The following CD5L variants were observed in gnomAD, a reference collection of about 807,000 sequenced individuals.
CD5L encodes CD5 antigen-like.
CD5L carries 39 observed loss-of-function variants against 40.8 expected under a neutral mutation model. That is an observed-to-expected ratio of 0.96 (90% CI 0.74 to 1.25). CD5L has a LOEUF of 1.25. Ranked by LOEUF, CD5L falls within the 50% of genes most tolerant of loss-of-function variation. CD5L has a pLI of 0.00. For synonymous variants in CD5L, 192 were observed against 169.6 expected, an observed-to-expected ratio of 1.13 and a Z score of -1.03; for missense variants, 433 against 435.9, an observed-to-expected ratio of 0.99 and a Z score of 0.06.
chr1:157,830,809 G>T, downstream of CD5L: 2 of 326,708 alleles, frequency 6.1e-6, no homozygotes, highest in Non-Finnish European at 8.8e-6. Flanking sequence ...GGTTGTAACT[G>T]GAAGGTTCTC....
intron 2 of CD5L, among the ~76,000 whole-genome samples, chr1:157,836,777 G>C (rs1571452593): frequency 6.6e-6 from 1 of 152,150 alleles, no homozygotes; most frequent in South Asian, 2.1e-4. Context: ...ATTGTTCCTT[G>C]TTCAAGCGCC....
chr1:157,827,830 C>T (rs114669250), downstream of CD5L, among the ~76,000 whole-genome samples: 1,028 of 152,254 alleles, frequency 6.8e-3, 10 homozygotes, highest in African/African-American at 0.023. Context: ...CAGAGCTCAA[C>T]CAGAGGAATC....
Position 157,834,631 on chromosome 1 carries a change from G to A in CD5L, c.494C>T (p.Thr165Ile). ...HQNQWYTVCQ[T>I]GWSLRAAKVV... ...CTTTGCGGCCCGGAGGCTCCAGCCT[G>A]TCTGGCACACGGTATACCACTGGTT... The change falls in exon 4 of 6, where the codon ACA becomes ATA. Residue 165 changes from threonine (T) to isoleucine (I), a missense_variant. Thr to Ile is a moderately conservative substitution (Grantham distance 89). Coordinates refer to ENST00000368174, the MANE Select transcript of CD5L (RefSeq NM_005894.3). 6.2e-7 allele frequency: 1 copy of A among 1,614,226 alleles called. No homozygotes were observed. Among genetic ancestry groups the A allele is most frequent in the Non-Finnish European group, 8.5e-7 (1 of 1,180,048 alleles).
intron 3 of CD5L, 24 bp from the exon 4 acceptor site, chr1:157,834,772 G>T: frequency 6.4e-7 from 1 of 1,569,720 alleles, no homozygotes; most frequent in Non-Finnish European, 8.8e-7. Context: ...AAGAGAGCGT[G>T]TCTGTTCTCT....
Position 157,831,861 on chromosome 1 carries a change from C to G in CD5L, c.*103G>C. On this transcript the variant is annotated 3_prime_UTR_variant, in exon 6 of 6. Coordinates refer to ENST00000368174, the MANE Select transcript of CD5L (RefSeq NM_005894.3). ...TCCTGAGGGGATGAGGGAGTAGTGG[C>G]TCAAGCCTGAGCCCCAGAATGAGTA... 1 of 1,474,002 alleles carries G rather than the reference C, an allele frequency of 6.8e-7. No individual in the cohort carries two copies. Among genetic ancestry groups the G allele is most frequent in the South Asian group, 1.6e-5 (1 of 63,606 alleles). 91.3% of individuals were successfully genotyped at this position (1,474,002 alleles called of 1,614,324 possible). A position where few individuals can be genotyped will look rare whatever the true frequency, so the allele number is the denominator to read the frequency against.
Position 157,836,736 on chromosome 1 carries a change from A to G in CD5L, c.56-581T>C, listed in dbSNP as rs111313350. ...AACTATCTCTCACTCTCAGTGGCCA[A>G]TCCATGCCCATACTTGCTGCTTCCT... On this transcript the variant is annotated intron_variant, in intron 2 of 5. Transcript: ENST00000368174. Among the ~76,000 whole-genome samples the G allele has an allele frequency of 5.8e-3, 885 of 152,304 alleles. 9 individuals are homozygous for G. Among genetic ancestry groups the G allele is most frequent in the African/African-American group, 0.02 (815 of 41,568 alleles).
downstream of CD5L, among the ~76,000 whole-genome samples, chr1:157,828,460 T>C (rs1655960325): frequency 6.6e-6 from 1 of 152,162 alleles, no homozygotes; most frequent in Admixed American, 6.5e-5. Context: ...TTTTCACTGG[T>C]ACTCAGGAGT....
At position 157,836,104 on chromosome 1, in the gene CD5L, C is replaced by T. The variant is rs776889152; in HGVS notation, c.107G>A (p.Arg36Gln). 9 of 1,613,912 alleles carry T rather than the reference C, an allele frequency of 5.6e-6. No individual in the cohort carries two copies. Among genetic ancestry groups the T allele is most frequent in the East Asian group, 4.5e-5 (2 of 44,882 alleles). ...LVGGLHRCEG[R>Q]VEVEQKGQWG... Reference sequence around the variant, plus strand: ...CTGGCCTTTCTGTTCCACCTCCACCCGCCCTTCACAGCGGTGGAGGCCCCC... The same window carrying T: ...CTGGCCTTTCTGTTCCACCTCCACCTGCCCTTCACAGCGGTGGAGGCCCCC... The change falls in exon 3 of 6, where the codon CGG (arginine) becomes CAG (glutamine). Residue 36 changes from arginine (R) to glutamine (Q), a missense_variant. Transcript: ENST00000368174.
downstream of CD5L, among the ~76,000 whole-genome samples, chr1:157,830,680 T>C (rs1656023573): frequency 6.6e-6 from 1 of 152,228 alleles, no homozygotes; most frequent in Non-Finnish European, 1.5e-5. Context: ...AGAGTTGGCC[T>C]ATCAGAAGTG....
At chr1:157,839,254 A>T in intron 2 of CD5L, 130 bp downstream of exon 2, 2 of 849,212 alleles carry the variant, frequency 2.4e-6, no homozygotes, top group East Asian at 2.4e-5. Context: ...TGAGTGGGTG[A>T]GGTAGGAAGC....
intron 5 of CD5L, among the ~76,000 whole-genome samples, chr1:157,832,983 C>T (rs1401438300): frequency 6.6e-6 from 1 of 152,112 alleles, no homozygotes; most frequent in Non-Finnish European, 1.5e-5. Context: ...TAGTGTCAGC[C>T]CTACCTCTAC....
At chr1:157,839,481 G>A in intron 1 of CD5L, 71 bp from the exon 2 acceptor site, 3 of 1,515,922 alleles carry the variant, frequency 2.0e-6, no homozygotes, top group African/African-American at 1.4e-5. Context: ...ACTCTAGAAG[G>A]CCTTCACAGA....
chr1:157,835,717 G>C, intron 3 of CD5L, 118 bp downstream of exon 3: 1 of 775,660 alleles, frequency 1.3e-6, no homozygotes, highest in African/African-American at 1.7e-5. Flanking sequence ...TGAGATGTGG[G>C]GGGTGAGGGG....
intron 1 of CD5L, among the ~76,000 whole-genome samples, chr1:157,840,072 A>G (rs1455196071): frequency 6.6e-6 from 1 of 152,168 alleles, no homozygotes; most frequent in Non-Finnish European, 1.5e-5. Flanking sequence ...TGTCATTTTC[A>G]TGTGTCATAA....
chr1:157,837,396 G>A (rs1015364275), intron 2 of CD5L, among the ~76,000 whole-genome samples: 3 of 151,890 alleles, frequency 2.0e-5, no homozygotes, highest in Non-Finnish European at 4.4e-5. Context: ...TGAACTCAGA[G>A]AACAGTGATG....
At chr1:157,839,064 T>C (rs374708305) in intron 2 of CD5L, among the ~76,000 whole-genome samples, 1 of 152,270 alleles carries the variant, frequency 6.6e-6, no homozygotes, top group African/African-American at 2.4e-5. Context: ...CAAAAGGAAG[T>C]TCATTTTTCA....
At chr1:157,837,744 G>C (rs896982055) in intron 2 of CD5L, among the ~76,000 whole-genome samples, 1 of 150,044 alleles carries the variant, frequency 6.7e-6, no homozygotes, top group African/African-American at 2.4e-5. Flanking sequence ...AAGAGAAGTA[G>C]TTCAGTGAGA....
intron 1 of CD5L, 135 bp downstream of exon 1, chr1:157,841,539 C>A (rs1340974249): frequency 2.8e-6 from 2 of 702,900 alleles, no homozygotes; most frequent in Non-Finnish European, 4.8e-6. Context: ...AGAATAGTTA[C>A]CAAATGTAAA....
At chr1:157,833,727 T>C (rs1656113825) in intron 4 of CD5L, among the ~76,000 whole-genome samples, 2 of 148,048 alleles carry the variant, frequency 1.4e-5, no homozygotes, top group South Asian at 4.3e-4. Flanking sequence ...CACCTCAGCC[T>C]CCCGAGTAGC....
Sources: gnomAD v4.1 joint callset for allele counts (sites outside exome capture counted in the v4.1 genomes callset) on GRCh38, gnomAD v4.1.1 for gene constraint, MANE v1.5 for transcripts, NCBI Gene and HGNC (gene_info 2026-07-23, HGNC 2026-07-21) for gene names.